Variants in FOCAD observed in about 807,000 individuals in gnomAD.
The protein encoded by FOCAD is focadhesin, also known as KIAA1797.
FOCAD carries 198 observed loss-of-function variants against 225.6 expected under a neutral mutation model. The observed-to-expected ratio is 0.88, with a 90% confidence interval of 0.78 to 0.99. The LOEUF (loss-of-function observed/expected upper bound fraction) is 0.99, where lower values mean the gene tolerates loss of function less well. Among genes scored for constraint, FOCAD ranks in the 50% least tolerant of loss-of-function variants. The probability of loss-of-function intolerance (pLI) is 0.00; values close to 1 mark genes in which losing one functional copy is unlikely to be tolerated. For missense variants in FOCAD, 2,713 were observed against 2,123.6 expected (o/e 1.28, Z -5.46); for synonymous variants, 897 against 755.0 (o/e 1.19, Z -3.08).
At chr9:20,754,651 G>T (rs1418545299) in intron 5 of FOCAD, among the ~76,000 whole-genome samples, 1 of 151,918 alleles carries the variant, frequency 6.6e-6, no homozygotes, top group Non-Finnish European at 1.5e-5. Context: ...TTGACCAGGA[G>T]CAATTTTGTC....
chr9:20,781,902 G>A lies in FOCAD; in HGVS notation c.1170G>A (p.Gln390=), dbSNP rs1035378319. Residue 390 remains glutamine (Q), a synonymous_variant, in exon 10 of 44, where the codon CAG becomes CAA. Transcript: ENST00000338382. ...LALNLLEMIQ[Q]ECYRDDHQKL... is the part of the protein sequence containing the mutation. ...TAAACCTTTTGGAAATGATACAGCA[G>A]GAATGTTACAGAGATGACCACCAAA... 1 of 1,613,934 alleles carries A rather than the reference G, an allele frequency of 6.2e-7. No individual in the cohort carries two copies. The highest frequency in any genetic ancestry group is 8.5e-7 in the Non-Finnish European group (1 of 1,179,886).
chr9:20,827,010 G>C (rs947206758), intron 15 of FOCAD, among the ~76,000 whole-genome samples: 1 of 151,954 alleles, frequency 6.6e-6, no homozygotes, highest in Admixed American at 6.6e-5. Context: ...GCTCCAATAA[G>C]AAATAATCTT....
At chr9:20,883,071 A>G (rs1564109022) in intron 20 of FOCAD, among the ~76,000 whole-genome samples, 1 of 152,156 alleles carries the variant, frequency 6.6e-6, no homozygotes, top group Non-Finnish European at 1.5e-5. Context: ...GAGAGAGGAA[A>G]ACTACTCTTT....
At chr9:20,986,533 C>T in intron 40 of FOCAD, 68 bp downstream of exon 40, 1 of 1,380,460 alleles carries the variant, frequency 7.2e-7, no homozygotes, top group Non-Finnish European at 9.6e-7. Context: ...TTAAGTTGCA[C>T]TTGAGTTCTC....
chr9:20,778,552 T>A (rs1489011520), intron 8 of FOCAD, 129 bp from the exon 9 acceptor site: 6 of 570,158 alleles, frequency 1.1e-5, no homozygotes, highest in African/African-American at 1.9e-5. Context: ...GCACACTTGC[T>A]GTATAAATAA....
intron 1 of FOCAD, among the ~76,000 whole-genome samples, chr9:20,687,099 C>T (rs1444567058): frequency 6.6e-6 from 1 of 150,906 alleles, no homozygotes. Context: ...GTCTGAGTTA[C>T]TTTAGTTTTA....
At chr9:20,895,958 T>C (rs1832047620) in intron 21 of FOCAD, among the ~76,000 whole-genome samples, 1 of 151,878 alleles carries the variant, frequency 6.6e-6, no homozygotes, top group Non-Finnish European at 1.5e-5. Flanking sequence ...CTGATCTTAG[T>C]GGGAATGCTT....
At chr9:20,806,720 C>G (rs1415909317) in intron 11 of FOCAD, among the ~76,000 whole-genome samples, 1 of 152,072 alleles carries the variant, frequency 6.6e-6, no homozygotes, top group Non-Finnish European at 1.5e-5. Context: ...CAAGCATTTT[C>G]TGTTACTAGA....
At chr9:20,793,886 T>C (rs1464934394) in intron 11 of FOCAD, among the ~76,000 whole-genome samples, 1 of 152,032 alleles carries the variant, frequency 6.6e-6, no homozygotes, top group African/African-American at 2.4e-5. Flanking sequence ...CAGAACAAAA[T>C]TTTTCTTATT....
At chr9:20,882,486 A>G (rs1173188261) in intron 20 of FOCAD, among the ~76,000 whole-genome samples, 1 of 152,244 alleles carries the variant, frequency 6.6e-6, no homozygotes, top group African/African-American at 2.4e-5. Context: ...AATCCCTTTT[A>G]GTCTTCTGAT....
chr9:20,767,135 C>A, intron 7 of FOCAD, among the ~76,000 whole-genome samples: 3 of 149,308 alleles, frequency 2.0e-5, no homozygotes, highest in Non-Finnish European at 3.0e-5. Flanking sequence ...TCATCCATGT[C>A]CCTACAAAGG....
At chr9:20,655,677 A>G (rs565230762), upstream of FOCAD, among the ~76,000 whole-genome samples, 2 of 152,052 alleles carry the variant, frequency 1.3e-5, no homozygotes, top group African/African-American at 2.4e-5. Context: ...TTTTTTCTTT[A>G]TTAGTCTTGC....
chr9:20,946,066 A>G (rs1293052447), intron 29 of FOCAD, among the ~76,000 whole-genome samples: 1 of 145,820 alleles, frequency 6.9e-6, no homozygotes, highest in Non-Finnish European at 1.5e-5. Context: ...ATTGTTTTTT[A>G]CCCATATTTT....
At chr9:20,890,433 T>C (rs1229710353) in intron 21 of FOCAD, among the ~76,000 whole-genome samples, 1 of 151,904 alleles carries the variant, frequency 6.6e-6, no homozygotes, top group Non-Finnish European at 1.5e-5. Context: ...TCTGTATCAA[T>C]TGAGATGATT....
At chr9:20,738,423 T>C (rs1485971420) in intron 4 of FOCAD, among the ~76,000 whole-genome samples, 1 of 152,204 alleles carries the variant, frequency 6.6e-6, no homozygotes, top group African/African-American at 2.4e-5. Flanking sequence ...GTGTAGCATG[T>C]GAGCAAGCCA....
At chr9:20,664,679 T>G (rs1821843439) in intron 2 of FOCAD, among the ~76,000 whole-genome samples, 1 of 150,726 alleles carries the variant, frequency 6.6e-6, no homozygotes, top group Non-Finnish European at 1.5e-5. Context: ...AGGTCTCGCT[T>G]TGTTGACCAG....
intron 24 of FOCAD, among the ~76,000 whole-genome samples, chr9:20,922,289 A>T (rs1323057543): frequency 2.6e-5 from 4 of 152,036 alleles, no homozygotes; most frequent in South Asian, 4.2e-4. Context: ...CCCATTATAA[A>T]CGTTGATGTC....
intron 6 of FOCAD, among the ~76,000 whole-genome samples, chr9:20,760,144 A>G (rs1262927460): frequency 1.3e-5 from 2 of 152,146 alleles, no homozygotes; most frequent in Non-Finnish European, 2.9e-5. Context: ...CCTCAGAAGG[A>G]TATATCAAGA....
rs4471135 is a variant in FOCAD, at chr9:20,995,329, G to A, written c.5333-227G>A. On this transcript the variant is annotated intron_variant, in intron 43 of 43. Transcript: ENST00000338382. Reference sequence around the variant, plus strand: ...AGTCAGCTTTCATTTTAATTCTGCAGAATTTCCCATTAACTGATTGCAGGG... The same window carrying A: ...AGTCAGCTTTCATTTTAATTCTGCAAAATTTCCCATTAACTGATTGCAGGG... Among the ~76,000 whole-genome samples the A allele has an allele frequency of 0.98, 147,537 of 150,932 alleles. 72,214 individuals are homozygous for A. Among genetic ancestry groups the A allele is most frequent in the Non-Finnish European group, 1 (67,831 of 67,844 alleles).
Sources: gnomAD v4.1 joint callset for allele counts (sites outside exome capture counted in the v4.1 genomes callset) on GRCh38, gnomAD v4.1.1 for gene constraint, MANE v1.5 for transcripts, NCBI Gene and HGNC (gene_info 2026-07-23, HGNC 2026-07-21) for gene names.